Variants in KALRN observed in about 807,000 individuals in gnomAD.
KALRN encodes the protein kalirin RhoGEF kinase.
KALRN carries 70 observed loss-of-function variants against 353.7 expected under a neutral mutation model. That is an observed-to-expected ratio of 0.20 (90% CI 0.16 to 0.24). The LOEUF is 0.24. KALRN is among the 10% of genes least tolerant of loss of function. The probability of loss-of-function intolerance (pLI) is 1.00; values close to 1 mark genes in which losing one functional copy is unlikely to be tolerated. For missense variants in KALRN, 2,791 were observed against 3,756.7 expected (o/e 0.74, Z 6.72); for synonymous variants, 1,391 against 1,434.8 (o/e 0.97, Z 0.69).
At chr3:124,373,093 C>A (rs2086087017) in intron 10 of KALRN, among the ~76,000 whole-genome samples, 1 of 152,006 alleles carries the variant, frequency 6.6e-6, no homozygotes, top group African/African-American at 2.4e-5. Context: ...TGGCCCTCAA[C>A]CCCCTAACCT....
chr3:124,664,914 C>T (rs1351950294), intron 45 of KALRN, among the ~76,000 whole-genome samples: 2 of 152,208 alleles, frequency 1.3e-5, no homozygotes, highest in East Asian at 1.9e-4. Context: ...CCCTTTGGTG[C>T]TGGCCGAGCT....
chr3:124,111,125 G>T (rs143489290), intron 1 of KALRN, among the ~76,000 whole-genome samples: 1 of 152,238 alleles, frequency 6.6e-6, no homozygotes, highest in Non-Finnish European at 1.5e-5. Context: ...TGTCCTCAGT[G>T]GGAAGGTTGG....
chr3:124,337,386 C>T (rs2081243736), intron 9 of KALRN, among the ~76,000 whole-genome samples: 1 of 152,110 alleles, frequency 6.6e-6, no homozygotes, highest in Admixed American at 6.5e-5. Flanking sequence ...GCCTTTTCTG[C>T]CTCTATTGAG....
At chr3:124,399,887 G>T (rs1035736235) in intron 13 of KALRN, among the ~76,000 whole-genome samples, 1 of 152,048 alleles carries the variant, frequency 6.6e-6, no homozygotes. Flanking sequence ...AGGCCAATAG[G>T]GTTTCTGTGG....
chr3:124,452,377 T>C (rs944913001), intron 21 of KALRN, among the ~76,000 whole-genome samples: 1 of 152,234 alleles, frequency 6.6e-6, no homozygotes, highest in Non-Finnish European at 1.5e-5. Context: ...ACTGGAGATA[T>C]ACAAATGAAT....
intron 1 of KALRN, among the ~76,000 whole-genome samples, chr3:124,218,560 C>G (rs1180714337): frequency 6.6e-6 from 1 of 152,220 alleles, no homozygotes; most frequent in Non-Finnish European, 1.5e-5. Flanking sequence ...ACCACTATCA[C>G]CACTACCTGT....
At chr3:124,428,231 A>G (rs7647912) in intron 15 of KALRN, among the ~76,000 whole-genome samples, 7,937 of 152,282 alleles carry the variant, frequency 0.052, 696 homozygotes, top group African/African-American at 0.18. Context: ...ACAGCTAAGG[A>G]AGCTACATCA....
Position 124,067,807 on chromosome 3 carries a change from C to T in KALRN, c.73+33994C>T, listed in dbSNP as rs532238462. Among the ~76,000 whole-genome samples, 8 of 152,330 alleles carry T rather than the reference C, an allele frequency of 5.3e-5. No homozygotes were observed. In the East Asian group the frequency reaches 1.5e-3, roughly 29 times the overall value. On this transcript the variant is annotated intron_variant, in intron 1 of 59. Coordinates refer to ENST00000682506, the MANE Select transcript of KALRN (RefSeq NM_001388419.1). ...TATGCTGGCCAGGGGAGCCACTCAC[C>T]AGTTATCCTGATGAACTGCTCTGGG...
intron 10 of KALRN, among the ~76,000 whole-genome samples, chr3:124,352,770 A>C (rs2082967966): frequency 6.6e-6 from 1 of 152,170 alleles, no homozygotes; most frequent in Non-Finnish European, 1.5e-5. Flanking sequence ...AAGAAGAGAA[A>C]ACCAAACACC....
At position 124,170,831 on chromosome 3, in the gene KALRN, C is replaced by CTTTTTTTTT. The variant is rs752783614; in HGVS notation, c.74-57128_74-57120dup. On this transcript the variant is annotated intron_variant, in intron 1 of 59. Transcript: ENST00000682506. ...TATAAACTCCTTCCACTTCCACATT[C>CTTTTTTTTT]TTTTTTTTTTTTTTTTTTTTTTTTT... 7.2e-4 allele frequency among the ~76,000 whole-genome samples: 34 copies of CTTTTTTTTT among 47,150 alleles called. 6 individuals are homozygous for CTTTTTTTTT. The highest frequency in any genetic ancestry group is 9.9e-4 in the Admixed American group (3 of 3,038). The allele number at this position is 47,150 out of a possible 152,430, so 30.9% of individuals were successfully genotyped here. A position where few individuals can be genotyped will look rare whatever the true frequency, so the allele number is the denominator to read the frequency against.
chr3:124,427,956 T>C (rs1017572990), intron 15 of KALRN, among the ~76,000 whole-genome samples: 2 of 152,208 alleles, frequency 1.3e-5, no homozygotes, highest in Admixed American at 6.5e-5. Flanking sequence ...CCATCCCTTA[T>C]GCAAGGAAAG....
chr3:124,392,907 AG>A (rs1370438945), intron 11 of KALRN, among the ~76,000 whole-genome samples: 3 of 150,838 alleles, frequency 2.0e-5, no homozygotes, highest in African/African-American at 7.3e-5. Flanking sequence ...ATCTAGCATT[AG>A]GTATATCTCC....
chr3:124,103,721 C>T (rs1014949932), intron 1 of KALRN, among the ~76,000 whole-genome samples: 12 of 152,134 alleles, frequency 7.9e-5, no homozygotes, highest in Middle Eastern at 3.4e-3. Context: ...TTTGGGAGGC[C>T]GAGGTGGACA....
intron 3 of KALRN, among the ~76,000 whole-genome samples, chr3:124,248,201 C>T (rs1437165698): frequency 6.6e-6 from 1 of 152,192 alleles, no homozygotes; most frequent in East Asian, 1.9e-4. Context: ...ACCTTGCAAA[C>T]TGGCTGAATT....
intron 33 of KALRN, among the ~76,000 whole-genome samples, chr3:124,547,106 G>A (rs1298758933): frequency 6.6e-6 from 1 of 152,028 alleles, no homozygotes; most frequent in African/African-American, 2.4e-5. Context: ...CAAAGCACCG[G>A]GAGAGGAGCA....
intron 1 of KALRN, among the ~76,000 whole-genome samples, chr3:124,211,854 T>C (rs1209235463): frequency 6.6e-6 from 1 of 152,156 alleles, no homozygotes; most frequent in Non-Finnish European, 1.5e-5. Context: ...CTGAAAAGCA[T>C]AGGGCCATCT....
intron 43 of KALRN, 78 bp downstream of exon 43, chr3:124,659,535 C>A: frequency 1.0e-6 from 1 of 973,436 alleles, no homozygotes; most frequent in Non-Finnish European, 1.7e-6. Context: ...AGGGGTAGAG[C>A]TAGCGGTTCT....
chr3:124,652,076 T>G (rs2083477039), intron 38 of KALRN, among the ~76,000 whole-genome samples: 1 of 152,214 alleles, frequency 6.6e-6, no homozygotes, highest in Non-Finnish European at 1.5e-5. Context: ...CCCTCCCTGT[T>G]GTTAATTAGC....
At chr3:124,676,628 AC>A (rs2087224288) in intron 49 of KALRN, among the ~76,000 whole-genome samples, 1 of 152,170 alleles carries the variant, frequency 6.6e-6, no homozygotes, top group Admixed American at 6.5e-5. Context: ...ATATTAAATA[AC>A]CCAGAGAATT....
Sources: allele counts gnomAD v4.1 joint callset (sites outside exome capture counted in the v4.1 genomes callset), GRCh38; gene constraint gnomAD v4.1.1; transcripts MANE v1.5; gene names NCBI Gene and HGNC (gene_info 2026-07-23, HGNC 2026-07-21).